SSX7: variants seen among roughly 807,000 people sequenced by gnomAD.
The protein encoded by SSX7 is protein SSX7.
A neutral mutation model predicts 14.7 loss-of-function variants in SSX7; 15 were observed. The ratio of observed to expected loss-of-function variants is 1.02; its 90% confidence interval spans 0.68 to 1.58. SSX7 has a LOEUF of 1.58. Ranked by LOEUF, SSX7 falls within the 40% of genes most tolerant of loss-of-function variation. The pLI, the probability that SSX7 is intolerant of heterozygous loss-of-function variation, is 0.00. For missense variants in SSX7, 178 were observed against 146.8 expected (o/e 1.21, Z -1.10); for synonymous variants, 46 against 50.6 (o/e 0.91, Z 0.38).
intron 6 of SSX7, among the ~76,000 whole-genome samples, chrX:52,645,874 C>A (rs1217992685): frequency 9.0e-6 from 1 of 110,622 alleles, no homozygotes; most frequent in African/African-American, 3.3e-5. Flanking sequence ...TATTGCACAA[C>A]ATTTTCATAG....
At position 52,647,010 on chromosome X, in the gene SSX7, C is replaced by T. The variant is rs782226112; in HGVS notation, c.466+1251G>A. Among the ~76,000 whole-genome samples, 8 of 112,368 alleles carry T rather than the reference C, an allele frequency of 7.1e-5. No homozygotes were observed. The East Asian group carries it at 2.2e-3, about 31-fold the overall frequency. Reference sequence around the variant, plus strand: ...AATAATATTAACACTCCAGTGAACACACGAATAAGAAAGCAAAACTGCCTT... The same window carrying T: ...AATAATATTAACACTCCAGTGAACATACGAATAAGAAAGCAAAACTGCCTT... On this transcript the variant is annotated intron_variant, in intron 6 of 7. Transcript: ENST00000298181.
At chrX:52,647,421 G>T (rs1925285028) in intron 6 of SSX7, among the ~76,000 whole-genome samples, 1 of 112,398 alleles carries the variant, frequency 8.9e-6, no homozygotes, top group Non-Finnish European at 1.9e-5. Flanking sequence ...AGAGAGAATT[G>T]ACTCGAACTT....
chrX:52,653,864 C>T (rs782204070), intron 1 of SSX7, among the ~76,000 whole-genome samples: 95 of 110,794 alleles, frequency 8.6e-4, no homozygotes, highest in African/African-American at 3.0e-3. Context: ...GGCATGCTGA[C>T]ACCCCGACTC....
Position 52,646,111 on chromosome X carries a change from T to C in SSX7, c.467-568A>G, listed in dbSNP as rs1601973330. ...TGAAGTCTCGCTCTGTCGCCCAGAC[T>C]GGAGTGCAGTGGAGCAATCTCAGCT... On this transcript the variant is annotated intron_variant, in intron 6 of 7. Transcript: ENST00000298181. Among the ~76,000 whole-genome samples the C allele has an allele frequency of 5.4e-5, 6 of 112,094 alleles. 1 individual carries two copies. The Admixed American group carries it at 5.7e-4, about 11-fold the overall frequency.
chrX:52,648,056 G>A (rs1338814440), intron 6 of SSX7, among the ~76,000 whole-genome samples: 1 of 111,678 alleles, frequency 9.0e-6, no homozygotes, highest in Non-Finnish European at 1.9e-5. Flanking sequence ...TGGAAGACTA[G>A]CCCCAAGTCA....
At chrX:52,649,285 T>C (rs782571989) in intron 5 of SSX7, among the ~76,000 whole-genome samples, 1 of 111,572 alleles carries the variant, frequency 9.0e-6, no homozygotes, top group African/African-American at 3.3e-5. Flanking sequence ...CACCTCAGCC[T>C]CCCAAAGTGC....
chrX:52,649,233 G>A (rs1925347751), intron 5 of SSX7, among the ~76,000 whole-genome samples: 1 of 111,113 alleles, frequency 9.0e-6, no homozygotes, highest in Non-Finnish European at 1.9e-5. Flanking sequence ...GTTTTACCAT[G>A]TTGGGCAGGA....
intron 4 of SSX7, among the ~76,000 whole-genome samples, chrX:52,651,529 A>G (rs1556767002): frequency 8.9e-6 from 1 of 111,786 alleles, no homozygotes; most frequent in Non-Finnish European, 1.9e-5. Context: ...TCGGATCTCA[A>G]CATTACCCCA....
intron 3 of SSX7, among the ~76,000 whole-genome samples, chrX:52,652,556 A>G (rs1237694497): frequency 9.1e-6 from 1 of 109,965 alleles, no homozygotes; most frequent in Non-Finnish European, 1.9e-5. Context: ...GAAAGAAAGA[A>G]AGATACAAGC....
intron 4 of SSX7, among the ~76,000 whole-genome samples, chrX:52,651,109 A>G (rs1295034938): frequency 8.9e-6 from 1 of 111,733 alleles, no homozygotes; most frequent in Non-Finnish European, 1.9e-5. Flanking sequence ...TTTTCACCCT[A>G]TGTTATCTCT....
At chrX:52,653,377 T>C (rs781947532) in intron 2 of SSX7, 27 bp downstream of exon 2, 36 of 1,209,127 alleles carry the variant, frequency 3.0e-5, no homozygotes, top group Non-Finnish European at 3.7e-5. Context: ...CCTGGGCCAC[T>C]ACTCTGCTCC....
chrX:52,646,536 T>A (rs1462101436), intron 6 of SSX7, among the ~76,000 whole-genome samples: 3 of 112,509 alleles, frequency 2.7e-5, no homozygotes, highest in African/African-American at 9.7e-5. Context: ...CTAGTTTTTT[T>A]AAAATGTACA....
chrX:52,648,301 T>C lies in SSX7; in HGVS notation c.426A>G (p.Pro142=), dbSNP rs782801274. 4 of 1,211,694 alleles carry C rather than the reference T, an allele frequency of 3.3e-6. No homozygotes were observed. Among genetic ancestry groups the C allele is most frequent in the Non-Finnish European group, 3.4e-6 (3 of 895,453 alleles). Residue 142 remains proline (P), a synonymous_variant, in exon 6 of 8, where the codon CCA becomes CCG. Transcript: ENST00000298181. The part of the protein sequence containing the change: ...SQNDGKHLCP[P]GKPSTSEKIN... ...TCTTCTCAGAGGTACTTGGTTTTCC[T>C]GGAGGGCACAGGTGTTTCCCATCGT...
chrX:52,652,048 TA>T (rs1324440552), intron 4 of SSX7, among the ~76,000 whole-genome samples: 1 of 110,668 alleles, frequency 9.0e-6, no homozygotes, highest in African/African-American at 3.3e-5. Flanking sequence ...TTATTATCTA[TA>T]AAAATATATA....
intron 1 of SSX7, among the ~76,000 whole-genome samples, chrX:52,654,366 T>TTTG (rs1244594128): frequency 2.3e-5 from 2 of 86,248 alleles, no homozygotes; most frequent in East Asian, 3.7e-4. Context: ...TTGAGTGAGT[T>TTTG]TTTTTTTTTT....
In SSX7 at chrX:52,645,268, C is replaced by CAA. The variant is rs879961299; in HGVS notation, c.*4+169_*4+170dup. 5.9e-3 allele frequency among the ~76,000 whole-genome samples: 391 copies of CAA among 66,383 alleles called. 2 individuals carry two copies. The highest frequency in any genetic ancestry group is 0.02 in the African/African-American group (359 of 17,905). 57.6% of individuals were successfully genotyped at this position (66,383 alleles called of 115,157 possible). A position where few individuals can be genotyped will look rare whatever the true frequency, so the allele number is the denominator to read the frequency against. On this transcript the variant is annotated intron_variant, in intron 7 of 7. Transcript: ENST00000298181. The stretch of plus-strand genomic sequence containing the variant: ...CCTGGGCCACAAAGGGCGAATCCGT[C>CAA]AAAAAAAAAAAAAAAACGTGGGAAA...
intron 5 of SSX7, among the ~76,000 whole-genome samples, chrX:52,649,158 G>T (rs1232676976): frequency 1.1e-4 from 12 of 111,515 alleles, no homozygotes; most frequent in African/African-American, 3.9e-4. Context: ...AGCCTCCAGA[G>T]TATCTGGGAC....
intron 4 of SSX7, among the ~76,000 whole-genome samples, chrX:52,650,981 T>G (rs1344500239): frequency 1.8e-5 from 2 of 112,291 alleles, no homozygotes; most frequent in African/African-American, 6.5e-5. Context: ...GGAGACAGTT[T>G]GGACGTTCTG....
chrX:52,652,921 T>A lies in SSX7; in HGVS notation c.133A>T (p.Lys45Ter), dbSNP rs782767187. 2 of 1,204,463 alleles carry A rather than the reference T, an allele frequency of 1.7e-6. No individual in the cohort carries two copies. The highest frequency in any genetic ancestry group is 2.2e-6 in the Non-Finnish European group (2 of 890,468). The stretch of plus-strand genomic sequence containing the variant: ...CTCTTCATATACACATAGCTGATTT[T>A]CTCCAAGGATTTCATCTTTTCCCAC... ...KEWEKMKSLE[K>*]ISYVYMKRKY... The change falls in exon 3 of 8, where the codon AAA becomes TAA. Residue 45 changes from lysine to a stop codon, truncating the protein, a stop_gained. Coordinates refer to ENST00000298181, the MANE Select transcript of SSX7 (RefSeq NM_173358.2). LOFTEE classifies it high-confidence loss of function.
Sources: allele counts gnomAD v4.1 joint callset (sites outside exome capture counted in the v4.1 genomes callset), GRCh38; gene constraint gnomAD v4.1.1; transcripts MANE v1.5; gene names NCBI Gene and HGNC (gene_info 2026-07-23, HGNC 2026-07-21).